Variants in XKR7 observed in about 807,000 individuals in gnomAD.
XKR7 encodes XK-related protein 7.
XKR7 carries 11 observed loss-of-function variants against 42.2 expected under a neutral mutation model. The observed-to-expected ratio is 0.26, with a 90% CI of 0.16 to 0.43. The LOEUF is 0.43. Among genes scored for constraint, XKR7 ranks in the 20% least tolerant of loss-of-function variants. The probability of loss-of-function intolerance (pLI) is 1.00; values close to 1 mark genes in which losing one functional copy is unlikely to be tolerated. For synonymous variants in XKR7, 346 were observed against 366.4 expected, an observed-to-expected ratio of 0.94 and a Z score of 0.64; for missense variants, 710 against 802.2, an observed-to-expected ratio of 0.89 and a Z score of 1.39.
Position 31,997,395 on chromosome 20 carries a change from C to A in XKR7, c.1678C>A (p.Arg560=), listed in dbSNP as rs768509161. The A allele has an allele frequency of 1.9e-6, 3 of 1,599,970 alleles. No homozygotes were observed. Among genetic ancestry groups the A allele is most frequent in the East Asian group, 2.2e-5 (1 of 44,880 alleles). ...ALEYSSPATP[R]LQYRSVGTSQ... ...GGAGTACTCCTCACCTGCCACGCCCCGGTTGCAGTACCGGAGTGTGGGGAC... is the reference window on the plus strand; with the variant it reads ...GGAGTACTCCTCACCTGCCACGCCCAGGTTGCAGTACCGGAGTGTGGGGAC... Residue 560 remains arginine (R), a synonymous_variant, in exon 3 of 3, where the codon CGG becomes AGG. Coordinates refer to ENST00000562532, the MANE Select transcript of XKR7 (RefSeq NM_001011718.2).
chr20:31,989,887 C>G (rs1473969394), intron 1 of XKR7, among the ~76,000 whole-genome samples: 1 of 152,022 alleles, frequency 6.6e-6, no homozygotes, highest in Admixed American at 6.5e-5. Context: ...TGTTGGGATT[C>G]CAGGCATGAG....
chr20:31,988,616 G>A (rs956178821), intron 1 of XKR7, among the ~76,000 whole-genome samples: 1 of 152,102 alleles, frequency 6.6e-6, no homozygotes, highest in Non-Finnish European at 1.5e-5. Flanking sequence ...ATAGACTGAG[G>A]GCCTCTGTTT....
chr20:31,989,868 C>G (rs1199282245), intron 1 of XKR7, among the ~76,000 whole-genome samples: 2 of 152,186 alleles, frequency 1.3e-5, no homozygotes, highest in African/African-American at 2.4e-5. Flanking sequence ...CCGCCTTGGC[C>G]TCCCAAAATG....
chr20:31,997,155 A>G lies in XKR7; in HGVS notation c.1438A>G (p.Thr480Ala), dbSNP rs1185389840. The G allele has an allele frequency of 5.6e-6, 9 of 1,611,548 alleles. No homozygotes were observed. Among genetic ancestry groups the G allele is most frequent in the Non-Finnish European group, 7.6e-6 (9 of 1,180,004 alleles). ...TCCCCCCAGGTCCCTGCCAAGGACT[A>G]CAGGTGCTGAGCGGGATGGGGCCTC... ...TSPPRSLPRT[T>A]GAERDGASAG... Residue 480 changes from threonine to alanine, a missense_variant, in exon 3 of 3, where the codon ACA (threonine) becomes GCA (alanine). By Grantham distance (58) the Thr-to-Ala change is moderately conservative. Coordinates refer to ENST00000562532, the MANE Select transcript of XKR7 (RefSeq NM_001011718.2).
intron 1 of XKR7, among the ~76,000 whole-genome samples, chr20:31,974,803 G>A (rs944663745): frequency 1.3e-5 from 2 of 152,232 alleles, no homozygotes; most frequent in African/African-American, 4.8e-5. Context: ...ACAGTCCCCT[G>A]AACTCAGTGA....
chr20:31,980,481 G>GC (rs1380255786), intron 1 of XKR7, among the ~76,000 whole-genome samples: 2 of 152,216 alleles, frequency 1.3e-5, no homozygotes, highest in Non-Finnish European at 2.9e-5. Context: ...GGGTTCCCAT[G>GC]CCCCACGGTG....
chr20:31,987,332 A>T, intron 1 of XKR7, among the ~76,000 whole-genome samples: 1 of 150,598 alleles, frequency 6.6e-6, no homozygotes, highest in East Asian at 2.0e-4. Context: ...GCACAGACAG[A>T]CCACCAAGCA....
At chr20:31,988,659 C>T (rs567384584) in intron 1 of XKR7, among the ~76,000 whole-genome samples, 3 of 152,138 alleles carry the variant, frequency 2.0e-5, no homozygotes, top group Admixed American at 6.6e-5. Context: ...GCAGAAGTTG[C>T]GTGTTAGGTT....
intron 1 of XKR7, among the ~76,000 whole-genome samples, chr20:31,984,362 G>A (rs1275175108): frequency 3.9e-5 from 6 of 152,186 alleles, no homozygotes. Flanking sequence ...GGGCAAGGAT[G>A]GAAGCAAGCA....
intron 1 of XKR7, among the ~76,000 whole-genome samples, chr20:31,994,231 T>C (rs2122280029): frequency 6.6e-6 from 1 of 152,356 alleles, no homozygotes; most frequent in African/African-American, 2.4e-5. Context: ...CAGTAGGGAC[T>C]GTTCCTGGAA....
Position 31,995,196 on chromosome 20 carries a change from T to A in XKR7, c.713T>A (p.Leu238Gln). ...ATGCTGCGCTTGCTGGAGACCTTCC[T>A]GCGCAGCGCGCCGCAGCTAGTGCTG... ...VSMLRLLETFLRSAPQLVLQL... is the reference protein window; with the variant it reads ...VSMLRLLETFQRSAPQLVLQL... The change falls in exon 2 of 3, where the codon CTG becomes CAG. Residue 238 changes from leucine (L) to glutamine (Q), a missense_variant. Physicochemically the swap from Leu to Gln is moderately radical, Grantham distance 113. Around this residue, in one of 2 missense-constraint regions of XKR7, gnomAD observed 708 missense variants for 786.2 expected, o/e 0.90. Transcript: ENST00000562532. The surrounding 1 kb of genome is among the most constrained non-coding windows in gnomAD (Gnocchi z 4.1). The A allele has an allele frequency of 6.5e-7, 1 of 1,547,684 alleles. No homozygotes were observed.
At chr20:31,983,206 TG>T (rs1265856170) in intron 1 of XKR7, among the ~76,000 whole-genome samples, 1 of 152,224 alleles carries the variant, frequency 6.6e-6, no homozygotes, top group Non-Finnish European at 1.5e-5. Flanking sequence ...TGCCAGGCAC[TG>T]GGCATGTAGC....
chr20:31,996,224 C>T (rs2064590562), intron 2 of XKR7, among the ~76,000 whole-genome samples: 1 of 151,826 alleles, frequency 6.6e-6, no homozygotes, highest in Non-Finnish European at 1.5e-5. Context: ...CCTAACAGCC[C>T]CACACCAGAG....
Position 31,968,365 on chromosome 20 carries a change from C to T in XKR7, c.190C>T (p.Leu64=), listed in dbSNP as rs1568875226. 6.2e-7 allele frequency: 1 copy of T among 1,610,950 alleles called. No individual in the cohort carries two copies. The highest frequency in any genetic ancestry group is 8.5e-7 in the Non-Finnish European group (1 of 1,179,410). ...LRDCCWVLCA[L]LVFFSDGATD... Reference sequence around the variant, plus strand: ...GGACTGCTGCTGGGTGCTGTGCGCGCTGCTCGTGTTCTTCTCCGACGGTGC... The same window carrying T: ...GGACTGCTGCTGGGTGCTGTGCGCGTTGCTCGTGTTCTTCTCCGACGGTGC... The change falls in exon 1 of 3, where the codon CTG becomes TTG. Residue 64 remains leucine, a synonymous_variant. Coordinates refer to ENST00000562532, the MANE Select transcript of XKR7 (RefSeq NM_001011718.2). This position sits in a 1 kb window ranked among gnomAD's most constrained non-coding sequence, Gnocchi z 4.5.
At chr20:31,990,179 C>CGTGT (rs56235886) in intron 1 of XKR7, among the ~76,000 whole-genome samples, 3,177 of 144,214 alleles carry the variant, frequency 0.022, 54 homozygotes, top group African/African-American at 0.053. Flanking sequence ...AAATTCATTG[C>CGTGT]GTGTGTGTGT....
intron 1 of XKR7, among the ~76,000 whole-genome samples, chr20:31,987,734 A>ATTC (rs369444702): frequency 2.2e-4 from 33 of 152,376 alleles, no homozygotes; most frequent in Middle Eastern, 6.8e-3. Context: ...CAGACCTCGT[A>ATTC]TTCACAGGAT....
At chr20:31,987,258 C>T (rs1376303878) in intron 1 of XKR7, among the ~76,000 whole-genome samples, 7 of 148,594 alleles carry the variant, frequency 4.7e-5, no homozygotes, top group East Asian at 2.0e-4. Context: ...ACAAACAGAC[C>T]ACCAAGCAGA....
At chr20:31,982,025 C>A (rs1400199057) in intron 1 of XKR7, among the ~76,000 whole-genome samples, 1 of 152,206 alleles carries the variant, frequency 6.6e-6, no homozygotes, top group African/African-American at 2.4e-5. Context: ...GCACTGCCAT[C>A]CACAGTGCTG....
intron 1 of XKR7, among the ~76,000 whole-genome samples, chr20:31,989,617 T>A (rs1452352446): frequency 6.6e-6 from 1 of 151,666 alleles, no homozygotes; most frequent in Non-Finnish European, 1.5e-5. Context: ...AGACTGGGGA[T>A]TTTGTTGTTT....
Sources: allele counts gnomAD v4.1 joint callset (sites outside exome capture counted in the v4.1 genomes callset), GRCh38; gene constraint gnomAD v4.1.1; regional missense constraint gnomAD v4.1.1; non-coding constraint Gnocchi (gnomAD v3.1); transcripts MANE v1.5; gene names NCBI Gene and HGNC (gene_info 2026-07-23, HGNC 2026-07-21).